CCL16: variants seen among roughly 807,000 people sequenced by gnomAD.
CCL16 encodes the protein C-C motif chemokine ligand 16.
CCL16 carries 6 observed loss-of-function variants against 7.5 expected under a neutral mutation model. The observed-to-expected ratio is 0.80, with a 90% CI of 0.44 to 1.57. CCL16 has a LOEUF of 1.57. Ranked by LOEUF, CCL16 falls within the 40% of genes most tolerant of loss-of-function variation. The probability of loss-of-function intolerance (pLI) is 0.01; values close to 1 mark genes in which losing one functional copy is unlikely to be tolerated. For missense variants in CCL16, 134 were observed against 142.9 expected (o/e 0.94, Z 0.32); for synonymous variants, 60 against 57.7 (o/e 1.04, Z -0.18).
intron 2 of CCL16, 44 bp downstream of exon 2, chr17:35,978,099 C>G (rs552180846): frequency 1.9e-5 from 30 of 1,613,216 alleles, no homozygotes; most frequent in Non-Finnish European, 2.5e-5. Flanking sequence ...TGCCCCTGGG[C>G]TCCCTGTCCC....
At chr17:35,978,506 A>G (rs2089657646) in intron 1 of CCL16, among the ~76,000 whole-genome samples, 1 of 152,238 alleles carries the variant, frequency 6.6e-6, no homozygotes, top group African/African-American at 2.4e-5. Context: ...CACACTTGCC[A>G]AGGAACCGGG....
chr17:35,980,597 C>T, intron 1 of CCL16: 1 of 166,712 alleles, frequency 6.0e-6, no homozygotes, highest in Non-Finnish European at 1.3e-5. Context: ...GCTGGGGCAG[C>T]CTAGGGCAGG....
At chr17:35,979,731 C>T (rs372914399) in intron 1 of CCL16, among the ~76,000 whole-genome samples, 57 of 152,212 alleles carry the variant, frequency 3.7e-4, no homozygotes, top group Middle Eastern at 3.4e-3. Context: ...TTGGAAATGG[C>T]GCTTCCCCCC....
At chr17:35,980,030 C>T (rs2089669085) in intron 1 of CCL16, among the ~76,000 whole-genome samples, 1 of 152,190 alleles carries the variant, frequency 6.6e-6, no homozygotes, top group Non-Finnish European at 1.5e-5. Context: ...GCCTGATTGA[C>T]TCTCCCAAAG....
chr17:35,980,726 CA>C (rs1390728561), intron 1 of CCL16, among the ~76,000 whole-genome samples: 1 of 152,118 alleles, frequency 6.6e-6, no homozygotes. Context: ...TCCCTTTCCC[CA>C]CAGCTCCAAA....
chr17:35,980,592 G>T lies in CCL16; in HGVS notation c.76+753C>A, dbSNP rs868721988. Reference sequence around the variant, plus strand: ...AAACAAAAGCGAAAAGAATGGCTGGGGCAGCCTAGGGCAGGTACACGTCTT... The same window carrying T: ...AAACAAAAGCGAAAAGAATGGCTGGTGCAGCCTAGGGCAGGTACACGTCTT... On this transcript the variant is annotated intron_variant, in intron 1 of 2. Coordinates refer to ENST00000611905, the MANE Select transcript of CCL16 (RefSeq NM_004590.4). 6.0e-5 allele frequency: 10 copies of T among 165,634 alleles called. No homozygotes were observed. In the South Asian group the frequency reaches 1.4e-3, roughly 24 times the overall value. 10.3% of individuals were successfully genotyped at this position (165,634 alleles called of 1,614,324 possible). A position where few individuals can be genotyped will look rare whatever the true frequency, so the allele number is the denominator to read the frequency against.
intron 2 of CCL16, 106 bp downstream of exon 2, chr17:35,978,037 C>A (rs1263782935): frequency 6.7e-7 from 1 of 1,502,892 alleles, no homozygotes; most frequent in Non-Finnish European, 9.1e-7. Flanking sequence ...CCCTTAGCCA[C>A]TGCTCCACTG....
In CCL16 at chr17:35,977,699, G is replaced by A. The variant is rs2089649244; in HGVS notation, c.230C>T (p.Thr77Ile). 1 of 1,612,228 alleles carries A rather than the reference G, an allele frequency of 6.2e-7. No homozygotes were observed. Among genetic ancestry groups the A allele is most frequent in the Non-Finnish European group, 8.5e-7 (1 of 1,180,008 alleles). The change falls in exon 3 of 3, where the codon ACC becomes ATC. Residue 77 changes from threonine to isoleucine, a missense_variant. By Grantham distance (89) the Thr-to-Ile change is moderately conservative. Coordinates refer to ENST00000611905, the MANE Select transcript of CCL16 (RefSeq NM_004590.4). ...TTGGACCCAGTCGTCATTGGGGTTG[G>A]TGCAGACTTCTCGGTTCCTCTTGGT... is the stretch of plus-strand genomic sequence containing the variant. ...FVTKRNREVC[T>I]NPNDDWVQEY...
chr17:35,979,513 A>G (rs2089665039), intron 1 of CCL16, among the ~76,000 whole-genome samples: 1 of 152,178 alleles, frequency 6.6e-6, no homozygotes, highest in Admixed American at 6.5e-5. Flanking sequence ...GACTTGAATC[A>G]TGGGCAAATT....
Position 35,981,473 on chromosome 17 carries a change from G to A in CCL16, c.-53C>T, listed in dbSNP as rs930541798. 4.2e-5 allele frequency: 57 copies of A among 1,359,626 alleles called. No homozygotes were observed. The African/African-American group carries it at 7.4e-4, about 18-fold the overall frequency. The allele number at this position is 1,359,626 out of a possible 1,614,324, so 84.2% of individuals were successfully genotyped here. ...GGAGAGCCGAATGAAGATGTTGTCT[G>A]TTGCTGGTGGTCCGCTTGCCAACTA... On this transcript the variant is annotated 5_prime_UTR_variant, in exon 1 of 3. Transcript: ENST00000611905.
chr17:35,977,172 GC>G lies in CCL16; in HGVS notation c.*393del, dbSNP rs1401809463. On this transcript the variant is annotated 3_prime_UTR_variant, in exon 3 of 3. Coordinates refer to ENST00000611905, the MANE Select transcript of CCL16 (RefSeq NM_004590.4). ...GTCTCTACCAAAAATACAAAAATTA[GC>G]CAGGTGTGGTGGCGCAAGCCTGTAG... The G allele has an allele frequency of 6.5e-6, 1 of 153,180 alleles. No homozygotes were observed. Among genetic ancestry groups the G allele is most frequent in the Admixed American group, 6.5e-5 (1 of 15,290 alleles). The allele number at this position is 153,180 out of a possible 1,614,324, so 9.5% of individuals were successfully genotyped here. A position where few individuals can be genotyped will look rare whatever the true frequency, so the allele number is the denominator to read the frequency against.
intron 1 of CCL16, among the ~76,000 whole-genome samples, chr17:35,981,014 C>T (rs145374043): frequency 3.2e-3 from 489 of 152,326 alleles, no homozygotes; most frequent in Non-Finnish European, 5.1e-3. Context: ...CCGCGTGCCT[C>T]CCCCTCCCTT....
At position 35,976,915 on chromosome 17, in the gene CCL16, C is replaced by A. The variant is rs2089641279; in HGVS notation, c.*651G>T. 6.6e-6 allele frequency: 1 copy of A among 152,220 alleles called. No homozygotes were observed. Among genetic ancestry groups the A allele is most frequent in the Admixed American group, 6.5e-5 (1 of 15,276 alleles). 9.4% of individuals were successfully genotyped at this position (152,220 alleles called of 1,614,324 possible). A position where few individuals can be genotyped will look rare whatever the true frequency, so the allele number is the denominator to read the frequency against. ...TCAAGACCCAGAGGGCAAAGATCAT[C>A]TGGAAGGCTGGAAACTGGCTAAGTA... On this transcript the variant is annotated 3_prime_UTR_variant, in exon 3 of 3. Transcript: ENST00000611905.
At chr17:35,981,235 C>T in intron 1 of CCL16, 110 bp downstream of exon 1, 2 of 676,956 alleles carry the variant, frequency 3.0e-6, no homozygotes, top group Non-Finnish European at 2.6e-6. Context: ...TGGGGAGAGC[C>T]CACAGGGTCT....
chr17:35,979,824 T>C (rs772007068), intron 1 of CCL16, among the ~76,000 whole-genome samples: 5 of 152,164 alleles, frequency 3.3e-5, no homozygotes, highest in South Asian at 2.1e-4. Flanking sequence ...TACCCATCAA[T>C]TGGGGATACT....
rs765375095 is a variant in CCL16 at position 35,978,190 on chromosome 17, T to G, written c.150A>C (p.Leu50=). The G allele has an allele frequency of 5.6e-6, 9 of 1,614,196 alleles. No individual in the cohort carries two copies. In the Admixed American group the frequency reaches 1.5e-4, roughly 27 times the overall value. Residue 50 remains leucine, a synonymous_variant, in exon 2 of 3, where the codon CTA becomes CTC. Transcript: ENST00000611905. ...TGAGGGCCTTTCTGTATCCCACCAC[T>G]AGTCTCCTTGGCAACACTTTCTCAT... ...KYYEKVLPRR[L]VVGYRKALNC...
At chr17:35,978,328 G>C in intron 1 of CCL16, 65 bp from the exon 2 acceptor site, 1 of 1,607,696 alleles carries the variant, frequency 6.2e-7, no homozygotes, top group Non-Finnish European at 8.5e-7. Flanking sequence ...GCCCACCTCT[G>C]TCTCCCACCA....
chr17:35,976,565 G>A lies in CCL16; in HGVS notation c.*1001C>T, dbSNP rs1233845350. 6.6e-6 allele frequency: 1 copy of A among 151,960 alleles called. No homozygotes were observed. The highest frequency in any genetic ancestry group is 6.6e-5 in the Admixed American group (1 of 15,262). The allele number at this position is 151,960 out of a possible 1,614,324, so 9.4% of individuals were successfully genotyped here. A position where few individuals can be genotyped will look rare whatever the true frequency, so the allele number is the denominator to read the frequency against. On this transcript the variant is annotated 3_prime_UTR_variant, in exon 3 of 3. Coordinates refer to ENST00000611905, the MANE Select transcript of CCL16 (RefSeq NM_004590.4). ...GGACTAAGAGTTTACCCCTAGCCGT[G>A]TCTCATACCCTTTCTTTCCCTGTCC...
intron 1 of CCL16, 60 bp downstream of exon 1, chr17:35,981,285 C>T: frequency 7.8e-7 from 1 of 1,277,868 alleles, no homozygotes; most frequent in African/African-American, 1.5e-5. Context: ...GGCACTACCT[C>T]CCTGCCAGCT....
Sources: gnomAD v4.1 joint callset for allele counts (sites outside exome capture counted in the v4.1 genomes callset) on GRCh38, gnomAD v4.1.1 for gene constraint, MANE v1.5 for transcripts, NCBI Gene and HGNC (gene_info 2026-07-23, HGNC 2026-07-21) for gene names.